Variants in KIAA0825 observed in about 807,000 individuals in gnomAD.
The protein encoded by KIAA0825 is uncharacterized protein KIAA0825.
Under a neutral mutation model 147.6 loss-of-function variants are expected in KIAA0825, and 119 were observed. The observed-to-expected ratio is 0.81, with a 90% CI of 0.69 to 0.94. KIAA0825 has a LOEUF of 0.94. Ranked by LOEUF, KIAA0825 falls within the 40% of genes least tolerant of loss-of-function variation. The pLI is 0.00. For missense variants in KIAA0825, 1,381 were observed against 1,472.7 expected (o/e 0.94, Z 1.02); for synonymous variants, 470 against 518.1 (o/e 0.91, Z 1.26).
intron 2 of KIAA0825, among the ~76,000 whole-genome samples, chr5:94,553,780 A>G (rs1776016626): frequency 6.6e-6 from 1 of 152,002 alleles, no homozygotes; most frequent in Admixed American, 6.5e-5. Context: ...ACAACCAAAA[A>G]AAAAAAACAA....
At chr5:94,612,413 G>T (rs1302385591) in intron 1 of KIAA0825, among the ~76,000 whole-genome samples, 1 of 152,130 alleles carries the variant, frequency 6.6e-6, no homozygotes, top group Non-Finnish European at 1.5e-5. Flanking sequence ...TCTTAGAAGA[G>T]TGTAGCACTT....
At chr5:94,168,974 A>G (rs1379271808) in intron 20 of KIAA0825, among the ~76,000 whole-genome samples, 1 of 152,202 alleles carries the variant, frequency 6.6e-6, no homozygotes, top group African/African-American at 2.4e-5. Flanking sequence ...TGATAAAAAC[A>G]TTTCCTTTTT....
At chr5:94,426,569 G>A (rs142861949) in intron 14 of KIAA0825, among the ~76,000 whole-genome samples, 224 of 152,264 alleles carry the variant, frequency 1.5e-3, no homozygotes, top group African/African-American at 4.8e-3. Flanking sequence ...GCGGGTCAGA[G>A]GCTACTGAAG....
intron 2 of KIAA0825, among the ~76,000 whole-genome samples, chr5:94,554,527 T>C (rs1383283871): frequency 6.6e-6 from 1 of 151,698 alleles, no homozygotes; most frequent in Non-Finnish European, 1.5e-5. Flanking sequence ...TATTCCTATA[T>C]CATTTACAAA....
intron 5 of KIAA0825, among the ~76,000 whole-genome samples, chr5:94,491,087 G>A (rs1221098160): frequency 6.6e-6 from 1 of 151,862 alleles, no homozygotes; most frequent in Non-Finnish European, 1.5e-5. Flanking sequence ...ATCTGGAGCT[G>A]GAGGATCAGT....
chr5:94,550,695 A>G (rs551306931), intron 2 of KIAA0825, among the ~76,000 whole-genome samples: 1 of 152,246 alleles, frequency 6.6e-6, no homozygotes, highest in Admixed American at 6.5e-5. Flanking sequence ...ACAAAAAATT[A>G]GCCAGGCATG....
At chr5:94,495,166 A>G (rs1377549425) in intron 5 of KIAA0825, among the ~76,000 whole-genome samples, 1 of 152,220 alleles carries the variant, frequency 6.6e-6, no homozygotes, top group Admixed American at 6.5e-5. Flanking sequence ...GAAAATAGCA[A>G]TCCCTAGTGC....
chr5:94,376,946 A>G (rs563904355), intron 20 of KIAA0825, among the ~76,000 whole-genome samples: 223 of 152,346 alleles, frequency 1.5e-3, no homozygotes, highest in Admixed American at 2.7e-3. Flanking sequence ...CATTGTGTTA[A>G]TGGTAGCACT....
chr5:94,314,994 TCAGA>T (rs1197244110), intron 20 of KIAA0825, among the ~76,000 whole-genome samples: 3 of 151,632 alleles, frequency 2.0e-5, no homozygotes, highest in Non-Finnish European at 4.4e-5. Flanking sequence ...GACAGAGCTC[TCAGA>T]CAAATAGGAC....
chr5:94,269,905 T>C (rs1056660383), intron 20 of KIAA0825, among the ~76,000 whole-genome samples: 17 of 151,910 alleles, frequency 1.1e-4, no homozygotes, highest in Non-Finnish European at 5.9e-5. Flanking sequence ...ACCTTTAGCC[T>C]GGCTAAATAA....
intron 20 of KIAA0825, among the ~76,000 whole-genome samples, chr5:94,167,660 A>G (rs1447697936): frequency 6.6e-6 from 1 of 152,198 alleles, no homozygotes; most frequent in African/African-American, 2.4e-5. Flanking sequence ...GTAAAAGGAA[A>G]TATACCCACA....
At chr5:94,283,166 T>C (rs986363839) in intron 20 of KIAA0825, among the ~76,000 whole-genome samples, 1 of 152,104 alleles carries the variant, frequency 6.6e-6, no homozygotes, top group African/African-American at 2.4e-5. Flanking sequence ...TAAAAAATCT[T>C]TTATTACATT....
intron 13 of KIAA0825, among the ~76,000 whole-genome samples, chr5:94,444,557 C>G (rs1441033916): frequency 3.3e-5 from 5 of 151,890 alleles, no homozygotes; most frequent in African/African-American, 1.2e-4. Context: ...GGATGAAGGT[C>G]TCGGTGACCC....
intron 20 of KIAA0825, among the ~76,000 whole-genome samples, chr5:94,377,864 C>A (rs1747810073): frequency 6.6e-6 from 1 of 152,212 alleles, no homozygotes; most frequent in African/African-American, 2.4e-5. Flanking sequence ...TGGTTGGATA[C>A]TGTTATCAGC....
intron 5 of KIAA0825, chr5:94,519,226 G>A: frequency 1.1e-6 from 1 of 890,858 alleles, no homozygotes; most frequent in African/African-American, 1.8e-5. Context: ...TTGGTCAACT[G>A]AAATTTTATT....
In KIAA0825 at chr5:94,485,786, C is replaced by T. The variant is rs182427318; in HGVS notation, c.971-856G>A. The stretch of plus-strand genomic sequence containing the variant: ...CAAAACACTATATTAAAGATACACT[C>T]TTTAAGACCTTATAAGTGTTGTTCC... On this transcript the variant is annotated intron_variant, in intron 5 of 20. Coordinates refer to ENST00000682413, the MANE Select transcript of KIAA0825 (RefSeq NM_001145678.3). 2.4e-3 allele frequency among the ~76,000 whole-genome samples: 357 copies of T among 151,694 alleles called. 2 individuals carry two copies. The highest frequency in any genetic ancestry group is 7.3e-3 in the African/African-American group (302 of 41,462).
intron 1 of KIAA0825, among the ~76,000 whole-genome samples, chr5:94,610,959 C>T (rs1788658779): frequency 6.6e-6 from 1 of 151,858 alleles, no homozygotes; most frequent in South Asian, 2.1e-4. Flanking sequence ...ATTAGCTGTG[C>T]TCCCTGGAAG....
rs570551795 is a variant in KIAA0825 at position 94,437,076 on chromosome 5, A to G, written c.2497+2906T>C. Among the ~76,000 whole-genome samples, 15 of 152,336 alleles carry G rather than the reference A, an allele frequency of 9.8e-5. No individual in the cohort carries two copies. The South Asian group carries it at 2.5e-3, about 25-fold the overall frequency. ...CTGATAGTTATGTTGCTTGAAATAT[A>G]TAATTCAGAGTATTTTGCTCTAAAA... On this transcript the variant is annotated intron_variant, in intron 14 of 20. Transcript: ENST00000682413.
intron 3 of KIAA0825, among the ~76,000 whole-genome samples, chr5:94,535,436 G>T (rs561905026): frequency 6.8e-6 from 1 of 147,688 alleles, no homozygotes; most frequent in African/African-American, 2.5e-5. Flanking sequence ...CTTGAACCAG[G>T]CAGGCGGAGG....
Sources: allele counts gnomAD v4.1 joint callset (sites outside exome capture counted in the v4.1 genomes callset), GRCh38; gene constraint gnomAD v4.1.1; transcripts MANE v1.5; gene names NCBI Gene and HGNC (gene_info 2026-07-23, HGNC 2026-07-21).